DSC3: variants seen among roughly 807,000 people sequenced by gnomAD.
DSC3 encodes the protein desmocollin-3.
In DSC3, 97 loss-of-function variants were observed where a neutral mutation model predicts 89.5. That is an observed-to-expected ratio of 1.08 (90% CI 0.92 to 1.28). The LOEUF (loss-of-function observed/expected upper bound fraction) is 1.28. Among genes scored for constraint, DSC3 ranks in the 50% most tolerant of loss-of-function variants. DSC3 has a pLI of 0.00. For synonymous variants in DSC3, 436 were observed against 384.1 expected, an observed-to-expected ratio of 1.14 and a Z score of -1.58; for missense variants, 1,199 against 1,085.3, an observed-to-expected ratio of 1.10 and a Z score of -1.47.
chr18:31,002,712 A>AG (rs1229271103), intron 13 of DSC3, among the ~76,000 whole-genome samples: 5 of 151,366 alleles, frequency 3.3e-5, no homozygotes, highest in African/African-American at 1.2e-4. Context: ...AAAAAAAAAA[A>AG]AAAGAAAGAA....
chr18:30,991,676 CT>C lies in DSC3; in HGVS notation c.*2498del, dbSNP rs1287353393. The C allele has an allele frequency of 3.9e-5, 6 of 152,250 alleles. No individual in the cohort carries two copies. Among genetic ancestry groups the C allele is most frequent in the Middle Eastern group, 3.4e-3 (1 of 294 alleles). The allele number at this position is 152,250 out of a possible 1,614,324, so 9.4% of individuals were successfully genotyped here. ...TTCAGTAGCCGTTAGATAAAACTGG[CT>C]TCTGGATACAGCAGGAAATTTCAGC... On this transcript the variant is annotated 3_prime_UTR_variant, in exon 16 of 16. Transcript: ENST00000360428.
In DSC3 at chr18:30,996,993, C is replaced by T. The variant is rs1258949926; in HGVS notation, c.2291G>A (p.Cys764Tyr). Residue 764 changes from cysteine to tyrosine, a missense_variant, in exon 15 of 16, where the codon TGT becomes TAT. By Grantham distance (194) the Cys-to-Tyr change is radical (BLOSUM62 -2). Coordinates refer to ENST00000360428, the MANE Select transcript of DSC3 (RefSeq NM_001941.5). ...QTTNNSSQGF[C>Y]GTMGSGMKNG... Reference sequence around the variant, plus strand: ...TTTCATTCCTGATCCCATAGTACCACAAAAACCTTGGCTAGAGTTGTTGGT... The same window carrying T: ...TTTCATTCCTGATCCCATAGTACCATAAAAACCTTGGCTAGAGTTGTTGGT... 3.1e-6 allele frequency: 5 copies of T among 1,614,164 alleles called. No individual in the cohort carries two copies. The highest frequency in any genetic ancestry group is 4.2e-6 in the Non-Finnish European group (5 of 1,180,024).
intron 1 of DSC3, among the ~76,000 whole-genome samples, chr18:31,037,311 T>A (rs1483426498): frequency 6.6e-6 from 1 of 152,206 alleles, no homozygotes; most frequent in African/African-American, 2.4e-5. Context: ...TAGTATCTGT[T>A]AATAGATAGT....
chr18:31,019,700 G>A (rs276914), intron 7 of DSC3, among the ~76,000 whole-genome samples: 70,297 of 151,960 alleles, frequency 0.46, 16,870 homozygotes, highest in East Asian at 0.89. Context: ...GTGCTGAGGC[G>A]GATGGACCCT....
chr18:30,994,184 T>C lies in DSC3; in HGVS notation c.2682A>G (p.Thr894=), dbSNP rs114143100. The change falls in exon 16 of 16, where the codon ACA becomes ACG. Residue 894 remains threonine (T), a synonymous_variant. Coordinates refer to ENST00000360428, the MANE Select transcript of DSC3 (RefSeq NM_001941.5). ...PKFITLAEAC[T]KR ...TTGTAGCACTGTGACATTATCTCTTTGTGCATGCTTCTGCTAATGTAATAA... is the reference window on the plus strand; with the variant it reads ...TTGTAGCACTGTGACATTATCTCTTCGTGCATGCTTCTGCTAATGTAATAA... 0.013 allele frequency: 21,058 copies of C among 1,613,920 alleles called. 172 individuals carry two copies. Among genetic ancestry groups the C allele is most frequent in the Non-Finnish European group, 0.016 (19,117 of 1,179,830 alleles).
intron 1 of DSC3, among the ~76,000 whole-genome samples, chr18:31,032,590 G>C (rs1343557166): frequency 1.9e-5 from 2 of 105,686 alleles, no homozygotes; most frequent in Admixed American, 8.9e-5. Context: ...GTGTGTGTGT[G>C]CGTGTGCGTG....
chr18:31,006,862 T>C, intron 12 of DSC3, 45 bp downstream of exon 12: 1 of 1,424,138 alleles, frequency 7.0e-7, no homozygotes, highest in Non-Finnish European at 9.8e-7. Context: ...CCTCCAGTTA[T>C]TCTGTTATTT....
At chr18:31,007,446 T>C (rs1346818552) in intron 11 of DSC3, among the ~76,000 whole-genome samples, 1 of 152,132 alleles carries the variant, frequency 6.6e-6, no homozygotes, top group Non-Finnish European at 1.5e-5. Context: ...AGCAGTAAAG[T>C]GGTTACAGAT....
intron 6 of DSC3, among the ~76,000 whole-genome samples, chr18:31,023,522 G>C (rs143363217): frequency 2.4e-4 from 36 of 152,108 alleles, no homozygotes; most frequent in Non-Finnish European, 4.1e-4. Context: ...TTTTAAAATT[G>C]TACCACGTGA....
At chr18:31,026,058 C>T in intron 4 of DSC3, 143 bp from the exon 5 acceptor site, 1 of 861,526 alleles carries the variant, frequency 1.2e-6, no homozygotes, top group Non-Finnish European at 1.8e-6. Context: ...CCATTGTTGG[C>T]AAGAGTAAGG....
intron 15 of DSC3, among the ~76,000 whole-genome samples, chr18:30,996,405 A>G (rs1984466813): frequency 1.3e-5 from 2 of 152,176 alleles, no homozygotes; most frequent in Admixed American, 1.3e-4. Context: ...TTATCCTAAA[A>G]CTGCATACAA....
intron 9 of DSC3, among the ~76,000 whole-genome samples, chr18:31,009,643 G>T (rs1213481090): frequency 6.6e-6 from 1 of 152,200 alleles, no homozygotes; most frequent in African/African-American, 2.4e-5. Flanking sequence ...CTATGTGATT[G>T]ATTTTAATTA....
At chr18:31,005,585 T>C (rs978383701) in intron 12 of DSC3, among the ~76,000 whole-genome samples, 12 of 152,216 alleles carry the variant, frequency 7.9e-5, no homozygotes, top group Non-Finnish European at 1.8e-4. Context: ...TCTAATGACA[T>C]GGATATACTT....
intron 14 of DSC3, among the ~76,000 whole-genome samples, chr18:31,001,089 GTATA>G (rs67608580): frequency 2.1e-4 from 27 of 126,024 alleles, no homozygotes; most frequent in East Asian, 1.2e-3. Flanking sequence ...TTGTGTGTGT[GTATA>G]TATATATATA....
chr18:31,041,370 A>G (rs1264968757), intron 1 of DSC3, among the ~76,000 whole-genome samples: 1 of 152,260 alleles, frequency 6.6e-6, no homozygotes, highest in African/African-American at 2.4e-5. Context: ...TTCCCGGGCA[A>G]ATGGATGCGC....
chr18:31,000,823 T>C (rs1984626353), intron 14 of DSC3, among the ~76,000 whole-genome samples: 1 of 151,908 alleles, frequency 6.6e-6, no homozygotes, highest in Non-Finnish European at 1.5e-5. Flanking sequence ...TGAGTACATT[T>C]AGGTATCATA....
chr18:31,036,078 G>A (rs1197346279), intron 1 of DSC3, among the ~76,000 whole-genome samples: 4 of 152,074 alleles, frequency 2.6e-5, no homozygotes, highest in Non-Finnish European at 5.9e-5. Context: ...GACACTATAT[G>A]AACAGCTGTG....
Position 31,022,486 on chromosome 18 carries a change from C to T in DSC3, c.792G>A (p.Val264=). The change falls in exon 7 of 16, where the codon GTG becomes GTA. Residue 264 remains valine (V), a synonymous_variant. Coordinates refer to ENST00000360428, the MANE Select transcript of DSC3 (RefSeq NM_001941.5). ...GTTCATCTCTGTCTGTGGCACAAAC[C>T]ACCCCCACTGTAGTACCTACACATT... ...ESSRPGTTVG[V]VCATDRDEPD... 1.9e-6 allele frequency: 3 copies of T among 1,614,000 alleles called. No individual in the cohort carries two copies. Among genetic ancestry groups the T allele is most frequent in the South Asian group, 1.1e-5 (1 of 91,082 alleles).
rs756320018 is a variant in DSC3, at chr18:30,996,926, G to A, written c.2358C>T (p.Asn786=). 1.9e-6 allele frequency: 3 copies of A among 1,613,944 alleles called. No homozygotes were observed. Among genetic ancestry groups the A allele is most frequent in the African/African-American group, 1.3e-5 (1 of 74,882 alleles). Residue 786 remains asparagine (N), a synonymous_variant, in exon 15 of 16, where the codon AAC becomes AAT. Coordinates refer to ENST00000360428, the MANE Select transcript of DSC3 (RefSeq NM_001941.5). Reference sequence around the variant, plus strand: ...CCCCCCGGCAGGATTCCAAGGTCTGGTTTCCTCCTTTCATCATTTCAATGG... The same window carrying A: ...CCCCCCGGCAGGATTCCAAGGTCTGATTTCCTCCTTTCATCATTTCAATGG... The part of the protein sequence containing the change: ...QETIEMMKGG[N]QTLESCRGAG...
Sources: allele counts gnomAD v4.1 joint callset (sites outside exome capture counted in the v4.1 genomes callset), GRCh38; gene constraint gnomAD v4.1.1; transcripts MANE v1.5; gene names NCBI Gene and HGNC (gene_info 2026-07-23, HGNC 2026-07-21).